Variants in RALGAPA1 observed in about 807,000 individuals in gnomAD.
The protein encoded by RALGAPA1 is Ral GTPase activating protein catalytic subunit alpha 1, also known as ral GTPase-activating protein subunit alpha-1.
A neutral mutation model predicts 269.6 loss-of-function variants in RALGAPA1; 52 were observed. The ratio of observed to expected loss-of-function variants is 0.19; its 90% CI spans 0.15 to 0.24. The LOEUF (loss-of-function observed/expected upper bound fraction) is 0.24, where lower values mean the gene tolerates loss of function less well. Among genes scored for constraint, RALGAPA1 ranks in the 10% least tolerant of loss-of-function variants. The pLI, the probability that RALGAPA1 is intolerant of heterozygous loss-of-function variation, is 1.00. For missense variants in RALGAPA1, 1,917 were observed against 3,013.9 expected (o/e 0.64, Z 8.52); for synonymous variants, 817 against 1,008.3 (o/e 0.81, Z 3.60).
intron 14 of RALGAPA1, 88 bp downstream of exon 14, chr14:35,724,936 A>G (rs2069751574): frequency 2.7e-6 from 3 of 1,095,936 alleles, no homozygotes; most frequent in Non-Finnish European, 3.7e-6. Flanking sequence ...TCAGGGTTCA[A>G]TGAATTTTAA....
At chr14:35,586,598 G>C (rs1040131520) in intron 37 of RALGAPA1, among the ~76,000 whole-genome samples, 1 of 152,182 alleles carries the variant, frequency 6.6e-6, no homozygotes, top group Non-Finnish European at 1.5e-5. Flanking sequence ...GTCATAAACA[G>C]CTCTTACTAT....
In RALGAPA1 at chr14:35,760,806, G is replaced by A. The variant is rs138707268; in HGVS notation, c.547+23C>T. The A allele has an allele frequency of 1.9e-4, 305 of 1,588,664 alleles. 3 individuals are homozygous for A. The African/African-American group carries it at 2.7e-3, about 14-fold the overall frequency. Reference sequence around the variant, plus strand: ...ACATAGAGAGCTTAAACCTACTGACGGATAACATCCCATGAATCTTACTTT... The same window carrying A: ...ACATAGAGAGCTTAAACCTACTGACAGATAACATCCCATGAATCTTACTTT... On this transcript the variant is annotated intron_variant, in intron 6 of 41. Transcript: ENST00000680220.
chr14:35,676,234 A>C (rs2064934382), intron 22 of RALGAPA1: 1 of 151,142 alleles, frequency 6.6e-6, no homozygotes, highest in Non-Finnish European at 1.5e-5. Context: ...TTTTTGAGAC[A>C]GTCTCACTCT....
chr14:35,781,037 AAT>A (rs2075387705), intron 1 of RALGAPA1, among the ~76,000 whole-genome samples: 1 of 152,180 alleles, frequency 6.6e-6, no homozygotes, highest in African/African-American at 2.4e-5. Flanking sequence ...ACATAAAAGA[AAT>A]AGAGACCCCC....
At chr14:35,558,529 T>A (rs1356387647) in intron 39 of RALGAPA1, among the ~76,000 whole-genome samples, 1 of 152,212 alleles carries the variant, frequency 6.6e-6, no homozygotes, top group African/African-American at 2.4e-5. Context: ...TAAAAATAGA[T>A]AATGGCATGT....
chr14:35,667,746 G>A (rs550426133), intron 26 of RALGAPA1, among the ~76,000 whole-genome samples: 15 of 152,300 alleles, frequency 9.8e-5, no homozygotes, highest in Admixed American at 8.5e-4. Context: ...GAACAGTAAG[G>A]AGGTTCCTCG....
Position 35,783,468 on chromosome 14 carries a change from A to G in RALGAPA1, c.107-7723T>C, listed in dbSNP as rs139766163. Among the ~76,000 whole-genome samples, 386 of 152,266 alleles carry G rather than the reference A, an allele frequency of 2.5e-3. 2 individuals are homozygous for G. Among genetic ancestry groups the G allele is most frequent in the African/African-American group, 6.5e-3 (272 of 41,558 alleles). ...CAAAAACCAAAAACCTAAATGTAAA[A>G]ACTAAAATTATAAAACTCAGAAGAA... On this transcript the variant is annotated intron_variant, in intron 1 of 41. Coordinates refer to ENST00000680220, the MANE Select transcript of RALGAPA1 (RefSeq NM_001346249.2).
chr14:35,753,777 G>A (rs548001249), intron 7 of RALGAPA1, among the ~76,000 whole-genome samples: 6 of 152,154 alleles, frequency 3.9e-5, no homozygotes, highest in Non-Finnish European at 7.4e-5. Context: ...GTGTAACCCT[G>A]TGAATACACT....
chr14:35,739,952 TC>T (rs1488954939), intron 11 of RALGAPA1, among the ~76,000 whole-genome samples: 1 of 152,180 alleles, frequency 6.6e-6, no homozygotes, highest in East Asian at 1.9e-4. Context: ...CTGAACAGAA[TC>T]TAGTCCTGTC....
At chr14:35,707,391 C>G (rs1006535266) in intron 16 of RALGAPA1, 1 of 152,080 alleles carries the variant, frequency 6.6e-6, no homozygotes, top group Non-Finnish European at 1.5e-5. Context: ...AGAAAAAAAC[C>G]TAGTTTCTCA....
chr14:35,666,645 C>G (rs2063963707), intron 26 of RALGAPA1, among the ~76,000 whole-genome samples: 1 of 152,120 alleles, frequency 6.6e-6, no homozygotes, highest in African/African-American at 2.4e-5. Flanking sequence ...CAACAGGTAT[C>G]CCTCATATGA....
intron 36 of RALGAPA1, among the ~76,000 whole-genome samples, chr14:35,596,285 A>G (rs2058927593): frequency 1.3e-5 from 2 of 152,124 alleles, no homozygotes; most frequent in Non-Finnish European, 2.9e-5. Flanking sequence ...TTTAAAAAAC[A>G]ACAAGGTGAC....
intron 19 of RALGAPA1, 41 bp downstream of exon 19, chr14:35,686,501 T>C (rs1229061680): frequency 1.9e-6 from 3 of 1,540,302 alleles, no homozygotes; most frequent in Non-Finnish European, 2.6e-6. Context: ...TTAGTTTTTC[T>C]ACCCTCCTCT....
At chr14:35,802,298 A>G (rs1052756030) in intron 1 of RALGAPA1, among the ~76,000 whole-genome samples, 3 of 152,110 alleles carry the variant, frequency 2.0e-5, no homozygotes, top group Admixed American at 2.0e-4. Flanking sequence ...ACAGAGTGAG[A>G]CTCTGTCTCA....
intron 37 of RALGAPA1, among the ~76,000 whole-genome samples, chr14:35,591,210 A>T (rs577635727): frequency 1.3e-5 from 2 of 152,292 alleles, no homozygotes; most frequent in African/African-American, 4.8e-5. Flanking sequence ...AGCAAGATTT[A>T]TTTCAATTAA....
At chr14:35,678,128 C>T in intron 21 of RALGAPA1, 26 bp from the exon 22 acceptor site, 11 of 1,587,968 alleles carry the variant, frequency 6.9e-6, no homozygotes, top group Non-Finnish European at 9.4e-6. Context: ...CATAAAATTA[C>T]CATAAAGAGT....
At chr14:35,678,172 A>C in intron 21 of RALGAPA1, 70 bp from the exon 22 acceptor site, 1 of 1,430,248 alleles carries the variant, frequency 7.0e-7, no homozygotes, top group South Asian at 1.3e-5. Context: ...AATGCTTAAC[A>C]CCCTAAATAA....
At chr14:35,576,773 A>G (rs1041814587) in intron 37 of RALGAPA1, among the ~76,000 whole-genome samples, 3 of 152,208 alleles carry the variant, frequency 2.0e-5, no homozygotes, top group Admixed American at 6.5e-5. Flanking sequence ...TAACTCGCCT[A>G]AGGTCATACA....
chr14:35,643,316 G>T (rs1160597300), intron 31 of RALGAPA1, among the ~76,000 whole-genome samples: 1 of 151,902 alleles, frequency 6.6e-6, no homozygotes, highest in African/African-American at 2.4e-5. Context: ...ATGTACCCTA[G>T]AACTTAAAGT....
Sources: allele counts gnomAD v4.1 joint callset (sites outside exome capture counted in the v4.1 genomes callset), GRCh38; gene constraint gnomAD v4.1.1; transcripts MANE v1.5; gene names NCBI Gene and HGNC (gene_info 2026-07-23, HGNC 2026-07-21).